FAM20A: variants seen among roughly 807,000 people sequenced by gnomAD.
FAM20A encodes pseudokinase FAM20A.
FAM20A carries 42 observed loss-of-function variants against 52.0 expected under a neutral mutation model. The observed-to-expected ratio is 0.81, with a 90% CI of 0.63 to 1.04. The LOEUF is 1.04. FAM20A is among the 50% of genes least tolerant of loss of function. The pLI is 0.00. For missense variants in FAM20A, 742 were observed against 712.7 expected, an observed-to-expected ratio of 1.04 and a Z score of -0.47; for synonymous variants, 304 against 298.9, an observed-to-expected ratio of 1.02 and a Z score of -0.18.
rs1555830240 is a variant in FAM20A at position 68,575,436 on chromosome 17, T to TTTATATATTATATATTTTATATA, written c.405-19716_405-19694dup. Among the ~76,000 whole-genome samples the TTTATATATTATATATTTTATATA allele has an allele frequency of 9.4e-5, 9 of 95,670 alleles. No individual in the cohort carries two copies. The East Asian group carries it at 2.2e-3, about 23-fold the overall frequency. The allele number at this position is 95,670 out of a possible 152,430, so 62.8% of individuals were successfully genotyped here. On this transcript the variant is annotated intron_variant, in intron 1 of 10. Transcript: ENST00000592554. Reference sequence around the variant, plus strand: ...TCTTCACTTTATATATATTATATATTTTATATATTATATATTTTATATATT... The same window carrying TTTATATATTATATATTTTATATA: ...TCTTCACTTTATATATATTATATATTTTATATATTATATATTTTATATATTATATATTATATATTTTATATATT...
At position 68,560,888 on chromosome 17, in the gene FAM20A, A is replaced by G. The variant is rs535596500; in HGVS notation, c.405-5145T>C. Among the ~76,000 whole-genome samples, 13 of 152,360 alleles carry G rather than the reference A, an allele frequency of 8.5e-5. No homozygotes were observed. The South Asian group carries it at 2.7e-3, about 32-fold the overall frequency. On this transcript the variant is annotated intron_variant, in intron 1 of 10. Transcript: ENST00000592554. ...GTCAATCTAATAGGTGAAAAATGGTATCACAGTGCATTTTGAGTTTGCATC... is the reference window on the plus strand; with the variant it reads ...GTCAATCTAATAGGTGAAAAATGGTGTCACAGTGCATTTTGAGTTTGCATC...
intron 1 of FAM20A, chr17:68,598,003 G>GTTTTTTTTTTTTTTTTTTTT (rs145406524): frequency 1.6e-5 from 2 of 126,254 alleles, no homozygotes; most frequent in Non-Finnish European, 1.6e-5. Flanking sequence ...CTTCTGTATG[G>GTTTTTTTTTTTTTTTTTTTT]TTTTTTTTTT....
chr17:68,545,528 C>T lies in FAM20A; in HGVS notation c.720-1807G>A, dbSNP rs554125315. 2.6e-5 allele frequency among the ~76,000 whole-genome samples: 4 copies of T among 152,356 alleles called. No homozygotes were observed. The East Asian group carries it at 7.7e-4, about 29-fold the overall frequency. On this transcript the variant is annotated intron_variant, in intron 4 of 10. Coordinates refer to ENST00000592554, the MANE Select transcript of FAM20A (RefSeq NM_017565.4). The stretch of plus-strand genomic sequence containing the variant: ...TTTATTGCTAAAAAATGCTAACACT[C>T]TTCTGAGCCTTCAGCAAGTCATAAT...
chr17:68,590,980 C>T (rs1304824468), intron 1 of FAM20A, among the ~76,000 whole-genome samples: 4 of 152,162 alleles, frequency 2.6e-5, no homozygotes, highest in African/African-American at 9.7e-5. Context: ...ATCAGAGAAA[C>T]CTTCTCTGTC....
intron 8 of FAM20A, 88 bp from the exon 9 acceptor site, chr17:68,540,054 T>A: frequency 8.9e-7 from 1 of 1,124,492 alleles, no homozygotes; most frequent in Non-Finnish European, 1.3e-6. Context: ...AACGGAGGCC[T>A]GTCATCACTT....
chr17:68,548,191 C>T (rs149198386), intron 4 of FAM20A, among the ~76,000 whole-genome samples: 17 of 152,180 alleles, frequency 1.1e-4, no homozygotes, highest in Non-Finnish European at 2.1e-4. Context: ...GCCAGGAGAT[C>T]GAGACCAGCC....
chr17:68,597,097 G>A (rs895936641), intron 1 of FAM20A, among the ~76,000 whole-genome samples: 11 of 152,080 alleles, frequency 7.2e-5, no homozygotes, highest in Non-Finnish European at 1.2e-4. Context: ...AAAAAGGAAC[G>A]TGTGGGTGAG....
chr17:68,543,832 A>T (rs2086423207), intron 4 of FAM20A, 111 bp from the exon 5 acceptor site: 9 of 929,738 alleles, frequency 9.7e-6, no homozygotes, highest in Non-Finnish European at 1.6e-5. Context: ...TATGCTTTTC[A>T]TGTACACACA....
intron 1 of FAM20A, among the ~76,000 whole-genome samples, chr17:68,568,341 G>A (rs1469397143): frequency 4.6e-5 from 7 of 151,644 alleles, no homozygotes; most frequent in South Asian, 2.1e-4. Flanking sequence ...GGTGGTGGGC[G>A]CCTGTAGTCC....
At chr17:68,553,173 A>C (rs1306816756) in intron 3 of FAM20A, among the ~76,000 whole-genome samples, 1 of 152,004 alleles carries the variant, frequency 6.6e-6, no homozygotes, top group African/African-American at 2.4e-5. Context: ...ACGAGATCTC[A>C]TGGTTTTATA....
At chr17:68,565,868 T>A (rs1263945318) in intron 1 of FAM20A, among the ~76,000 whole-genome samples, 1 of 152,210 alleles carries the variant, frequency 6.6e-6, no homozygotes, top group East Asian at 1.9e-4. Flanking sequence ...CAAGCACTTA[T>A]TTCCCTCCTA....
rs778292216 is a variant in FAM20A, at chr17:68,542,167, TGGAGGATGG to T, written c.929-11_929-3del. On this transcript the variant is annotated splice_region_variant and splice_polypyrimidine_tract_variant and intron_variant, in intron 6 of 10. Transcript: ENST00000592554. ...TGGCGAAGAAGCACACGTTGCTCGCTGGAGGATGGGGAGGAGAGAGGAGGAGTAAGTGGA... is the reference window on the plus strand; with the variant it reads ...TGGCGAAGAAGCACACGTTGCTCGCTGGAGGAGAGAGGAGGAGTAAGTGGA... The T allele has an allele frequency of 1.0e-4, 164 of 1,613,654 alleles. No homozygotes were observed. The highest frequency in any genetic ancestry group is 1.4e-4 in the Non-Finnish European group (164 of 1,179,982).
rs979977629 is a variant in FAM20A at position 68,546,567 on chromosome 17, G to A, written c.720-2846C>T. On this transcript the variant is annotated intron_variant, in intron 4 of 10. Transcript: ENST00000592554. ...AAGACTTGGCTGGGCGTGGTGGCTC[G>A]CGCCTATAATCCCAGCACTTTGGGA... Among the ~76,000 whole-genome samples, 9 of 151,926 alleles carry A rather than the reference G, an allele frequency of 5.9e-5. 1 individual carries two copies. The highest frequency in any genetic ancestry group is 1.9e-4 in the East Asian group (1 of 5,164).
Position 68,549,149 on chromosome 17 carries a change from A to G in FAM20A, c.719+2724T>C, listed in dbSNP as rs192404839. On this transcript the variant is annotated intron_variant, in intron 4 of 10. Coordinates refer to ENST00000592554, the MANE Select transcript of FAM20A (RefSeq NM_017565.4). ...AGCAGTTTTTCCTCCCTGATACAAA[A>G]GAACTGAGAGTGGAGCTCATCCATT... Among the ~76,000 whole-genome samples the G allele has an allele frequency of 2.6e-3, 392 of 152,344 alleles. 1 individual carries two copies. Among genetic ancestry groups the G allele is most frequent in the African/African-American group, 9.1e-3 (380 of 41,588 alleles).
intron 4 of FAM20A, among the ~76,000 whole-genome samples, chr17:68,544,467 A>G (rs1315599683): frequency 1.3e-5 from 2 of 152,186 alleles, no homozygotes; most frequent in Non-Finnish European, 1.5e-5. Flanking sequence ...CCTCGAGGCT[A>G]ATAAACATGG....
rs368822641 is a variant in FAM20A, at chr17:68,580,876, G to A, written c.404+19387C>T. ...TATTACCACCATTGTAAACATATGG[G>A]AACCAGATATAGGCAGCAAAAATGA... On this transcript the variant is annotated intron_variant, in intron 1 of 10. Coordinates refer to ENST00000592554, the MANE Select transcript of FAM20A (RefSeq NM_017565.4). 5.9e-5 allele frequency among the ~76,000 whole-genome samples: 9 copies of A among 152,196 alleles called. 1 individual carries two copies. The highest frequency in any genetic ancestry group is 4.1e-4 in the South Asian group (2 of 4,822).
chr17:68,565,551 G>A (rs1401109565), intron 1 of FAM20A, among the ~76,000 whole-genome samples: 3 of 151,750 alleles, frequency 2.0e-5, no homozygotes, highest in Non-Finnish European at 4.4e-5. Context: ...GTGCCACCAA[G>A]CATAGCTAAC....
intron 3 of FAM20A, among the ~76,000 whole-genome samples, chr17:68,553,763 T>TACAC (rs1250278474): frequency 7.7e-6 from 1 of 130,228 alleles, no homozygotes; most frequent in East Asian, 2.0e-4. Flanking sequence ...TATACATATA[T>TACAC]ATACATATAT....
chr17:68,591,147 C>T (rs945872617), intron 1 of FAM20A, among the ~76,000 whole-genome samples: 7 of 151,378 alleles, frequency 4.6e-5, no homozygotes, highest in African/African-American at 1.7e-4. Context: ...CACTCTGTGG[C>T]CCAGGCTGGA....
Sources: gnomAD v4.1 joint callset for allele counts (sites outside exome capture counted in the v4.1 genomes callset) on GRCh38, gnomAD v4.1.1 for gene constraint, MANE v1.5 for transcripts, NCBI Gene and HGNC (gene_info 2026-07-23, HGNC 2026-07-21) for gene names.